Variants in STAG1 observed in about 807,000 individuals in gnomAD.
STAG1 encodes the protein STAG1 cohesin complex component.
A neutral mutation model predicts 170.9 loss-of-function variants in STAG1; 26 were observed. The observed-to-expected ratio is 0.15, with a 90% CI of 0.11 to 0.21. The LOEUF is 0.21. STAG1 is among the 10% of genes least tolerant of loss of function. The pLI, the probability that STAG1 is intolerant of heterozygous loss-of-function variation, is 1.00. For missense variants in STAG1, 964 were observed against 1,509.5 expected (o/e 0.64, Z 5.99); for synonymous variants, 514 against 497.7 (o/e 1.03, Z -0.44).
chr3:136,486,222 C>A (rs1385753502), intron 9 of STAG1, among the ~76,000 whole-genome samples: 3 of 152,170 alleles, frequency 2.0e-5, no homozygotes, highest in African/African-American at 7.2e-5. Flanking sequence ...TGTTTTGATA[C>A]CTACAAGTGA....
chr3:136,720,058 C>A (rs923389671), intron 1 of STAG1, among the ~76,000 whole-genome samples: 3 of 151,764 alleles, frequency 2.0e-5, no homozygotes, highest in Non-Finnish European at 4.4e-5. Flanking sequence ...TACTTGTAAT[C>A]CCAGCTACTC....
At chr3:136,744,325 C>G (rs1290016951) in intron 1 of STAG1, among the ~76,000 whole-genome samples, 1 of 152,130 alleles carries the variant, frequency 6.6e-6, no homozygotes, top group Non-Finnish European at 1.5e-5. Flanking sequence ...GAAACTCCGT[C>G]TCCAAAATAA....
intron 7 of STAG1, among the ~76,000 whole-genome samples, chr3:136,506,663 GAAAAGA>G (rs1163990478): frequency 5.9e-4 from 84 of 142,856 alleles, no homozygotes; most frequent in African/African-American, 1.8e-3. Flanking sequence ...AAAAAAAAAA[GAAAAGA>G]AAAAGAAAAA....
chr3:136,618,240 T>G (rs1939686164), intron 3 of STAG1, among the ~76,000 whole-genome samples: 1 of 152,062 alleles, frequency 6.6e-6, no homozygotes, highest in Non-Finnish European at 1.5e-5. Context: ...ACCCCGTCAC[T>G]CTCTTTAAAT....
chr3:136,369,072 A>C, intron 24 of STAG1, 36 bp downstream of exon 24: 1 of 1,433,436 alleles, frequency 7.0e-7, no homozygotes, highest in Non-Finnish European at 9.2e-7. Flanking sequence ...GTTGGTAAAA[A>C]AAAATCAATA....
intron 29 of STAG1, among the ~76,000 whole-genome samples, chr3:136,347,064 G>A (rs1936250717): frequency 6.7e-6 from 1 of 148,788 alleles, no homozygotes; most frequent in Admixed American, 6.7e-5. Flanking sequence ...GGGCGACAGA[G>A]TGAGACCCTG....
chr3:136,447,596 ATTTTTTTT>A (rs777110138), intron 14 of STAG1, among the ~76,000 whole-genome samples: 10 of 74,326 alleles, frequency 1.3e-4, no homozygotes, highest in African/African-American at 3.4e-4. Flanking sequence ...AAAGCATCAC[ATTTTTTTT>A]TTTTTTTTTT....
At chr3:136,705,411 ACACACACACACAC>A (rs2075151190) in intron 1 of STAG1, among the ~76,000 whole-genome samples, 4 of 139,196 alleles carry the variant, frequency 2.9e-5, no homozygotes, top group Non-Finnish European at 6.6e-5. Context: ...ACACACACAC[ACACACACACACAC>A]AACGAAGTTC....
chr3:136,433,792 A>G (rs999739718), intron 15 of STAG1, 133 bp from the exon 16 acceptor site: 2 of 641,390 alleles, frequency 3.1e-6, no homozygotes, highest in African/African-American at 3.8e-5. Context: ...TAAGCTCTGT[A>G]CTTTGCTATT....
At chr3:136,489,898 G>A (rs1483388980) in intron 9 of STAG1, among the ~76,000 whole-genome samples, 5 of 151,980 alleles carry the variant, frequency 3.3e-5, no homozygotes, top group African/African-American at 4.8e-5. Flanking sequence ...GAGGAGAGAA[G>A]GTGGTCAAGG....
At chr3:136,613,004 A>T (rs1296375979) in intron 3 of STAG1, among the ~76,000 whole-genome samples, 2 of 152,154 alleles carry the variant, frequency 1.3e-5, no homozygotes, top group Non-Finnish European at 2.9e-5. Flanking sequence ...TCTACCAGCA[A>T]GAAATGAGAG....
At chr3:136,562,412 C>T (rs1936882322) in intron 5 of STAG1, among the ~76,000 whole-genome samples, 2 of 151,646 alleles carry the variant, frequency 1.3e-5, no homozygotes, top group African/African-American at 4.8e-5. Flanking sequence ...GGGCACCCAC[C>T]ACCACGCCCG....
At position 136,394,141 on chromosome 3, in the gene STAG1, C is replaced by T. The variant is rs1019001622; in HGVS notation, c.2277+4608G>A. Among the ~76,000 whole-genome samples the T allele has an allele frequency of 3.3e-5, 5 of 152,162 alleles. No individual in the cohort carries two copies. The Middle Eastern group carries it at 0.01, about 311-fold the overall frequency. On this transcript the variant is annotated intron_variant, in intron 22 of 33. Transcript: ENST00000383202. ...TAGGATAATCTCTATCTCTTGACCT[C>T]GTGATCCGCCTGCCTTGGCTTCCCA... is the stretch of plus-strand genomic sequence containing the variant.
intron 1 of STAG1, among the ~76,000 whole-genome samples, chr3:136,720,505 T>C (rs1242867432): frequency 6.6e-6 from 1 of 152,062 alleles, no homozygotes; most frequent in Non-Finnish European, 1.5e-5. Flanking sequence ...ATGAACCAAC[T>C]TGGGCTGAGC....
intron 1 of STAG1, among the ~76,000 whole-genome samples, chr3:136,650,728 A>G (rs547813396): frequency 1.3e-5 from 2 of 152,326 alleles, no homozygotes; most frequent in East Asian, 3.9e-4. Context: ...AAACAAGTAT[A>G]AAGCTCTTAT....
chr3:136,463,266 C>A (rs1456872718), intron 13 of STAG1, among the ~76,000 whole-genome samples: 1 of 151,814 alleles, frequency 6.6e-6, no homozygotes, highest in Non-Finnish European at 1.5e-5. Flanking sequence ...AGATTTCTTA[C>A]ATAGAAATAA....
chr3:136,467,911 T>C (rs944442879), intron 12 of STAG1, among the ~76,000 whole-genome samples: 2 of 152,152 alleles, frequency 1.3e-5, no homozygotes, highest in African/African-American at 2.4e-5. Context: ...GAATGACTAA[T>C]GGGTACATAA....
At chr3:136,518,126 T>C in intron 7 of STAG1, 1 of 369,500 alleles carries the variant, frequency 2.7e-6, no homozygotes, top group Non-Finnish European at 4.8e-6. Flanking sequence ...GGACACATAT[T>C]GAATTCATAA....
chr3:136,741,250 G>A (rs1934654990), intron 1 of STAG1, among the ~76,000 whole-genome samples: 1 of 152,218 alleles, frequency 6.6e-6, no homozygotes, highest in Non-Finnish European at 1.5e-5. Flanking sequence ...TCAGAAATCT[G>A]ATGCAAATGC....
Sources: allele counts gnomAD v4.1 joint callset (sites outside exome capture counted in the v4.1 genomes callset), GRCh38; gene constraint gnomAD v4.1.1; transcripts MANE v1.5; gene names NCBI Gene and HGNC (gene_info 2026-07-23, HGNC 2026-07-21).